Variants in LYST observed in about 807,000 individuals in gnomAD.
The protein encoded by LYST is lysosomal trafficking regulator.
LYST carries 192 observed loss-of-function variants against 413.6 expected under a neutral mutation model. The ratio of observed to expected loss-of-function variants is 0.46; its 90% CI spans 0.41 to 0.52. LYST has a LOEUF of 0.52. LYST is among the 20% of genes least tolerant of loss of function. LYST has a pLI of 0.00. For synonymous variants in LYST, 1,525 were observed against 1,567.3 expected (o/e 0.97, Z 0.64); for missense variants, 3,815 against 4,499.9 (o/e 0.85, Z 4.35).
chr1:235,793,428 T>C lies in LYST; in HGVS notation c.4116+75A>G. ...GAGCTTAGTAACATTTCTAAATAAT[T>C]AAAAATACATTCTATTAAAAATTGT... is the stretch of plus-strand genomic sequence containing the variant. On this transcript the variant is annotated intron_variant, in intron 11 of 52. Transcript: ENST00000389793. 8.1e-6 allele frequency: 6 copies of C among 739,412 alleles called. No individual in the cohort carries two copies. The South Asian group carries it at 1.0e-4, about 13-fold the overall frequency. The allele number at this position is 739,412 out of a possible 1,614,324, so 45.8% of individuals were successfully genotyped here. A position where few individuals can be genotyped will look rare whatever the true frequency, so the allele number is the denominator to read the frequency against.
intron 1 of LYST, among the ~76,000 whole-genome samples, chr1:235,840,902 A>G (rs1364931122): frequency 2.0e-5 from 3 of 152,328 alleles, no homozygotes; most frequent in Non-Finnish European, 4.4e-5. Flanking sequence ...AATTGGATGG[A>G]GAAGTGAGTG....
At chr1:235,811,885 AT>A (rs1411272034) in intron 4 of LYST, among the ~76,000 whole-genome samples, 5 of 152,212 alleles carry the variant, frequency 3.3e-5, no homozygotes, top group East Asian at 1.9e-4. Context: ...TCAGAAAAAA[AT>A]AAAAGCAGAG....
At chr1:235,765,942 T>A in intron 21 of LYST, 137 bp downstream of exon 21, 2 of 762,304 alleles carry the variant, frequency 2.6e-6, no homozygotes, top group South Asian at 3.0e-5. Flanking sequence ...ATTCTATAAC[T>A]CTCTGCCCTA....
rs545296158 is a variant in LYST at position 235,785,217 on chromosome 1, C to T, written c.4862+1983G>A. Among the ~76,000 whole-genome samples, 21 of 152,280 alleles carry T rather than the reference C, an allele frequency of 1.4e-4. No individual in the cohort carries two copies. In the East Asian group the frequency reaches 2.5e-3, roughly 18 times the overall value. On this transcript the variant is annotated intron_variant, in intron 14 of 52. Coordinates refer to ENST00000389793, the MANE Select transcript of LYST (RefSeq NM_000081.4). ...GTTTAATACCCTGTTCTTAGATAGG[C>T]CTTCCCTGATCCACCCATCGTAAGT...
chr1:235,841,290 T>C (rs1193557293), intron 1 of LYST, among the ~76,000 whole-genome samples: 2 of 152,134 alleles, frequency 1.3e-5, no homozygotes, highest in African/African-American at 4.8e-5. Context: ...AGAGAGGAGC[T>C]GGAGAAGGAG....
intron 1 of LYST, among the ~76,000 whole-genome samples, chr1:235,880,031 C>T (rs903133602): frequency 2.0e-5 from 3 of 152,164 alleles, no homozygotes; most frequent in African/African-American, 7.2e-5. Context: ...GCCACCATGC[C>T]CAGACTGAGA....
In LYST at chr1:235,759,639, T is replaced by C. The variant is rs765617842; in HGVS notation, c.6254-40A>G. ...TACAAAAATACTACTTAAAAATCTA[T>C]TAAGTGGAACCACCTCTCTTTTGCA... On this transcript the variant is annotated intron_variant, in intron 22 of 52. Transcript: ENST00000389793. The C allele has an allele frequency of 6.8e-6, 10 of 1,465,250 alleles. No homozygotes were observed. In the African/African-American group the frequency reaches 7.0e-5, roughly 10 times the overall value. The allele number at this position is 1,465,250 out of a possible 1,614,324, so 90.8% of individuals were successfully genotyped here.
chr1:235,823,244 A>C (rs143602388), intron 3 of LYST, among the ~76,000 whole-genome samples: 125 of 152,322 alleles, frequency 8.2e-4, no homozygotes, highest in African/African-American at 2.9e-3. Flanking sequence ...CACTGTGATC[A>C]CACTCTCACT....
intron 50 of LYST, among the ~76,000 whole-genome samples, chr1:235,670,287 T>G (rs1298976881): frequency 6.6e-6 from 1 of 152,230 alleles, no homozygotes; most frequent in Non-Finnish European, 1.5e-5. Context: ...TAACAGGAGC[T>G]GCGTTAGGGA....
intron 26 of LYST, 144 bp from the exon 27 acceptor site, chr1:235,752,315 T>C: frequency 1.6e-6 from 1 of 628,292 alleles, no homozygotes. Context: ...TATTTATTCA[T>C]GCTTATTCTA....
chr1:235,753,395 T>C, intron 25 of LYST, 121 bp from the exon 26 acceptor site: 1 of 666,512 alleles, frequency 1.5e-6, no homozygotes. Flanking sequence ...GTTGGGGGAG[T>C]AAGGATTCTT....
intron 32 of LYST, 34 bp from the exon 33 acceptor site, chr1:235,733,940 A>G: frequency 9.5e-7 from 1 of 1,050,164 alleles, no homozygotes. Context: ...ACTATATAAA[A>G]TTTATTATTT....
chr1:235,775,654 CTTGG>C (rs1165006294), intron 17 of LYST, among the ~76,000 whole-genome samples: 1 of 151,996 alleles, frequency 6.6e-6, no homozygotes, highest in Non-Finnish European at 1.5e-5. Context: ...TCCCTCTCTG[CTTGG>C]TTTAAGGGAA....
intron 41 of LYST, among the ~76,000 whole-genome samples, chr1:235,715,878 AAAG>A (rs200703844): frequency 0.024 from 3,686 of 150,774 alleles, 148 homozygotes; most frequent in African/African-American, 0.086. Context: ...TAAAAAAAAA[AAAG>A]AATATGGTGA....
At chr1:235,835,598 C>A (rs1156792190) in intron 1 of LYST, among the ~76,000 whole-genome samples, 1 of 152,208 alleles carries the variant, frequency 6.6e-6, no homozygotes, top group Non-Finnish European at 1.5e-5. Flanking sequence ...TATCCAAGAT[C>A]ATAATTCTAA....
At chr1:235,773,206 C>G (rs1668883565) in intron 19 of LYST, among the ~76,000 whole-genome samples, 1 of 151,778 alleles carries the variant, frequency 6.6e-6, no homozygotes, top group African/African-American at 2.4e-5. Flanking sequence ...GTGGTCCCAG[C>G]TACTTGGGAG....
chr1:235,849,460 A>G (rs894251024), intron 1 of LYST, among the ~76,000 whole-genome samples: 1 of 152,146 alleles, frequency 6.6e-6, no homozygotes, highest in Non-Finnish European at 1.5e-5. Flanking sequence ...TTAAAACAAG[A>G]CAAGGATGCC....
At chr1:235,726,581 G>T (rs901792379) in intron 38 of LYST, among the ~76,000 whole-genome samples, 2 of 151,792 alleles carry the variant, frequency 1.3e-5, no homozygotes, top group African/African-American at 4.8e-5. Context: ...TATATAAGAA[G>T]AACCAACATT....
intron 10 of LYST, among the ~76,000 whole-genome samples, chr1:235,798,886 G>C (rs1671883281): frequency 6.6e-6 from 1 of 152,048 alleles, no homozygotes; most frequent in Non-Finnish European, 1.5e-5. Flanking sequence ...GTTTCTTTTG[G>C]GGGTGATGAA....
Sources: allele counts gnomAD v4.1 joint callset (sites outside exome capture counted in the v4.1 genomes callset), GRCh38; gene constraint gnomAD v4.1.1; transcripts MANE v1.5; gene names NCBI Gene and HGNC (gene_info 2026-07-23, HGNC 2026-07-21).